CNTN5: variants seen among roughly 807,000 people sequenced by gnomAD.
The protein encoded by CNTN5 is contactin-5.
In CNTN5, 77 loss-of-function variants were observed where a neutral mutation model predicts 129.1. The ratio of observed to expected loss-of-function variants is 0.60; its 90% confidence interval spans 0.50 to 0.72. The LOEUF is 0.72. CNTN5 is among the 30% of genes least tolerant of loss of function. The probability of loss-of-function intolerance (pLI) is 0.00; values close to 1 mark genes in which losing one functional copy is unlikely to be tolerated. For synonymous variants in CNTN5, 509 were observed against 465.6 expected, an observed-to-expected ratio of 1.09 and a Z score of -1.20; for missense variants, 1,478 against 1,328.8, an observed-to-expected ratio of 1.11 and a Z score of -1.75.
chr11:99,592,444 GA>G (rs2135671486), intron 3 of CNTN5, among the ~76,000 whole-genome samples: 1 of 152,256 alleles, frequency 6.6e-6, no homozygotes, highest in South Asian at 2.1e-4. Context: ...ACATGAGGAA[GA>G]CGTCAGCATA....
In CNTN5 at chr11:100,075,352, G is replaced by A. The variant is rs144463126; in HGVS notation, c.1580+1058G>A. ...TGATCACCTGGGATTGGGATGGGTC[G>A]TCGTTGGCACTCTTACACCAAAAGA... On this transcript the variant is annotated intron_variant, in intron 13 of 24. Transcript: ENST00000524871. 6.9e-3 allele frequency among the ~76,000 whole-genome samples: 1,056 copies of A among 152,150 alleles called. 13 individuals are homozygous for A. The highest frequency in any genetic ancestry group is 0.023 in the African/African-American group (970 of 41,522).
At chr11:99,138,877 A>C (rs923847374) in intron 1 of CNTN5, among the ~76,000 whole-genome samples, 7 of 152,200 alleles carry the variant, frequency 4.6e-5, no homozygotes, top group African/African-American at 1.7e-4. Context: ...TTATCTCGAG[A>C]AGATTTTCTT....
intron 3 of CNTN5, among the ~76,000 whole-genome samples, chr11:99,640,831 C>G (rs1951743912): frequency 6.6e-6 from 1 of 152,152 alleles, no homozygotes; most frequent in Non-Finnish European, 1.5e-5. Context: ...AATGTATCCC[C>G]CTTGTTAAGC....
intron 13 of CNTN5, among the ~76,000 whole-genome samples, chr11:100,137,229 A>C (rs899118926): frequency 6.6e-5 from 10 of 152,078 alleles, no homozygotes; most frequent in African/African-American, 2.4e-4. Flanking sequence ...TAAAATGTAA[A>C]TATCAATTTT....
intron 2 of CNTN5, among the ~76,000 whole-genome samples, chr11:99,472,421 A>G (rs1372576457): frequency 6.6e-6 from 1 of 152,110 alleles, no homozygotes; most frequent in Non-Finnish European, 1.5e-5. Context: ...GTTTCACATC[A>G]TTGTAAACTT....
chr11:99,416,399 G>T (rs1942657405), intron 2 of CNTN5, among the ~76,000 whole-genome samples: 1 of 151,950 alleles, frequency 6.6e-6, no homozygotes, highest in Non-Finnish European at 1.5e-5. Context: ...TCCTGCCATA[G>T]CCTCCCCAGT....
At chr11:99,214,209 A>G (rs1162973209) in intron 1 of CNTN5, among the ~76,000 whole-genome samples, 1 of 151,968 alleles carries the variant, frequency 6.6e-6, no homozygotes, top group Non-Finnish European at 1.5e-5. Flanking sequence ...AGAAGGGGAA[A>G]TGGTAGTTTG....
At chr11:99,878,198 C>T (rs1287908548) in intron 6 of CNTN5, among the ~76,000 whole-genome samples, 2 of 152,170 alleles carry the variant, frequency 1.3e-5, no homozygotes, top group Non-Finnish European at 2.9e-5. Context: ...TAAGTCTTTT[C>T]TAACATGACA....
chr11:99,625,692 C>T (rs1259439410), intron 3 of CNTN5, among the ~76,000 whole-genome samples: 1 of 151,994 alleles, frequency 6.6e-6, no homozygotes, highest in African/African-American at 2.4e-5. Flanking sequence ...CTTATAAAGA[C>T]CTTTTTTCTG....
At chr11:99,118,200 G>A (rs1014609739) in intron 1 of CNTN5, among the ~76,000 whole-genome samples, 12 of 152,044 alleles carry the variant, frequency 7.9e-5, no homozygotes, top group African/African-American at 2.9e-4. Context: ...ATATGCCCAA[G>A]TCAATATGTG....
chr11:99,902,405 A>G (rs549453442), intron 6 of CNTN5, among the ~76,000 whole-genome samples: 5 of 152,292 alleles, frequency 3.3e-5, no homozygotes, highest in Admixed American at 6.5e-5. Flanking sequence ...TCTAGAAAAC[A>G]TCTGCCTAAC....
At chr11:99,256,165 T>A (rs915346087) in intron 1 of CNTN5, among the ~76,000 whole-genome samples, 1 of 152,152 alleles carries the variant, frequency 6.6e-6, no homozygotes, top group Admixed American at 6.6e-5. Context: ...GAAAAACTAT[T>A]TTATCTGGTG....
At chr11:99,042,576 T>C (rs1185826913) in intron 1 of CNTN5, among the ~76,000 whole-genome samples, 1 of 151,830 alleles carries the variant, frequency 6.6e-6, no homozygotes, top group Admixed American at 6.6e-5. Flanking sequence ...GGGGTTTCAC[T>C]GTGTTAGCCA....
chr11:99,151,393 A>G (rs1283979617), intron 1 of CNTN5, among the ~76,000 whole-genome samples: 1 of 152,178 alleles, frequency 6.6e-6, no homozygotes, highest in Admixed American at 6.5e-5. Context: ...TCATAGAAAT[A>G]TGATACTTTA....
intron 6 of CNTN5, among the ~76,000 whole-genome samples, chr11:99,900,972 G>A (rs1351077097): frequency 2.0e-5 from 3 of 151,978 alleles, no homozygotes; most frequent in Admixed American, 6.6e-5. Flanking sequence ...GTCGGCTCTG[G>A]CATCAGACAT....
At chr11:99,485,865 A>C (rs1945790594) in intron 2 of CNTN5, among the ~76,000 whole-genome samples, 1 of 152,050 alleles carries the variant, frequency 6.6e-6, no homozygotes, top group South Asian at 2.1e-4. Context: ...CATAGTAGGC[A>C]ATCAAGCAAT....
chr11:99,048,434 A>G (rs542615781), intron 1 of CNTN5, among the ~76,000 whole-genome samples: 7 of 152,296 alleles, frequency 4.6e-5, no homozygotes, highest in Non-Finnish European at 1.0e-4. Context: ...ATTTTCCCCC[A>G]GTATTTCTCT....
At chr11:99,283,327 A>T (rs750092959) in intron 1 of CNTN5, among the ~76,000 whole-genome samples, 3 of 152,104 alleles carry the variant, frequency 2.0e-5, no homozygotes, top group Non-Finnish European at 2.9e-5. Flanking sequence ...TTTTCGCTAA[A>T]AATTTTAGCT....
At chr11:99,920,121 A>G (rs1949899862) in intron 7 of CNTN5, among the ~76,000 whole-genome samples, 1 of 152,096 alleles carries the variant, frequency 6.6e-6, no homozygotes, top group African/African-American at 2.4e-5. Flanking sequence ...TTAAGGACAC[A>G]TTCCATTTTG....
Sources: allele counts gnomAD v4.1 joint callset (sites outside exome capture counted in the v4.1 genomes callset), GRCh38; gene constraint gnomAD v4.1.1; transcripts MANE v1.5; gene names NCBI Gene and HGNC (gene_info 2026-07-23, HGNC 2026-07-21).